The following ZCCHC24 variants were observed in gnomAD, a reference collection of about 807,000 sequenced individuals.
ZCCHC24 encodes zinc finger CCHC-type containing 24, also known as zinc finger CCHC domain-containing protein 24.
In ZCCHC24, 10 loss-of-function variants were observed where a neutral mutation model predicts 26.2. That is an observed-to-expected ratio of 0.38 (90% CI 0.24 to 0.65). ZCCHC24 has a LOEUF of 0.65. ZCCHC24 is among the 30% of genes least tolerant of loss of function. The pLI is 0.54. For synonymous variants in ZCCHC24, 144 were observed against 147.1 expected, an observed-to-expected ratio of 0.98 and a Z score of 0.15; for missense variants, 243 against 329.1, an observed-to-expected ratio of 0.74 and a Z score of 2.03.
At chr10:79,415,253 G>A (rs1208335524) in intron 2 of ZCCHC24, among the ~76,000 whole-genome samples, 1 of 152,170 alleles carries the variant, frequency 6.6e-6, no homozygotes, top group African/African-American at 2.4e-5. Flanking sequence ...CTGCAATGAA[G>A]AGGGGCCCCA....
intron 2 of ZCCHC24, among the ~76,000 whole-genome samples, chr10:79,424,450 C>G (rs1248352825): frequency 6.6e-6 from 1 of 152,256 alleles, no homozygotes; most frequent in Non-Finnish European, 1.5e-5. Context: ...CCTGCTCCCT[C>G]TTCCCTCTCA....
intron 2 of ZCCHC24, among the ~76,000 whole-genome samples, chr10:79,427,913 G>A (rs915092662): frequency 3.9e-5 from 6 of 151,908 alleles, no homozygotes; most frequent in Non-Finnish European, 8.8e-5. Context: ...ATAGAAGGAA[G>A]GAAGGAAAAG....
chr10:79,403,147 C>T (rs1306236246), intron 2 of ZCCHC24, among the ~76,000 whole-genome samples: 1 of 152,246 alleles, frequency 6.6e-6, no homozygotes, highest in Non-Finnish European at 1.5e-5. Flanking sequence ...AAGTCGGACT[C>T]ACACCTGTGA....
chr10:79,432,459 G>A (rs1046451330), intron 2 of ZCCHC24, 99 bp downstream of exon 2: 2 of 1,253,222 alleles, frequency 1.6e-6, no homozygotes, highest in Non-Finnish European at 1.1e-6. Context: ...TTGGTGGAAG[G>A]GGCCCTGGGG....
intron 2 of ZCCHC24, among the ~76,000 whole-genome samples, chr10:79,401,415 G>C (rs1199426481): frequency 6.6e-6 from 1 of 152,226 alleles, no homozygotes; most frequent in Admixed American, 6.5e-5. Flanking sequence ...AGATGGGAAC[G>C]CTGACGCATG....
At position 79,403,297 on chromosome 10, in the gene ZCCHC24, C is replaced by T. The variant is rs1181386443; in HGVS notation, c.448-8857G>A. 18 of 730,704 alleles carry T rather than the reference C, an allele frequency of 2.5e-5. No homozygotes were observed. The East Asian group carries it at 4.0e-4, about 16-fold the overall frequency. 45.3% of individuals were successfully genotyped at this position (730,704 alleles called of 1,614,324 possible). Reference sequence around the variant, plus strand: ...GAATCAGCACTCTTAACCCTAATGACGGATGAGGAAACTGAGGCTCGAGAC... The same window carrying T: ...GAATCAGCACTCTTAACCCTAATGATGGATGAGGAAACTGAGGCTCGAGAC... On this transcript the variant is annotated intron_variant, in intron 2 of 3. Coordinates refer to ENST00000372336, the MANE Select transcript of ZCCHC24 (RefSeq NM_153367.4).
intron 3 of ZCCHC24, among the ~76,000 whole-genome samples, chr10:79,388,617 GC>G (rs1440952578): frequency 6.6e-6 from 1 of 152,182 alleles, no homozygotes; most frequent in South Asian, 2.1e-4. Flanking sequence ...CTGGTTTGCA[GC>G]CCCCACCCCC....
intron 2 of ZCCHC24, among the ~76,000 whole-genome samples, chr10:79,413,564 G>A (rs1256304171): frequency 2.6e-5 from 4 of 152,174 alleles, no homozygotes; most frequent in African/African-American, 9.7e-5. Context: ...CCCTTGGAGG[G>A]ACCTGAAAGT....
chr10:79,433,643 A>C (rs997623165), intron 1 of ZCCHC24, among the ~76,000 whole-genome samples: 6 of 152,298 alleles, frequency 3.9e-5, no homozygotes, highest in African/African-American at 1.4e-4. Context: ...GGTCAACAAC[A>C]AATCTGGGCT....
Position 79,432,538 on chromosome 10 carries a change from C to T in ZCCHC24, c.447+20G>A, listed in dbSNP as rs1857146345. 6.3e-7 allele frequency: 1 copy of T among 1,588,614 alleles called. No homozygotes were observed. Among genetic ancestry groups the T allele is most frequent in the African/African-American group, 1.4e-5 (1 of 73,594 alleles). On this transcript the variant is annotated intron_variant, in intron 2 of 3. Transcript: ENST00000372336. ...CAGTAGGGGAGCCCAAGAGCACCCC[C>T]TGGGCCAGGGCTGCCTTACCTGGGG... is the stretch of plus-strand genomic sequence containing the variant.
At chr10:79,442,161 C>T (rs376265592) in intron 1 of ZCCHC24, among the ~76,000 whole-genome samples, 2 of 152,184 alleles carry the variant, frequency 1.3e-5, no homozygotes, top group African/African-American at 4.8e-5. Context: ...TGCCGTAGAT[C>T]AGGTTTTTGA....
intron 2 of ZCCHC24, among the ~76,000 whole-genome samples, chr10:79,398,795 C>A (rs1240810655): frequency 6.6e-6 from 1 of 152,192 alleles, no homozygotes; most frequent in South Asian, 2.1e-4. Flanking sequence ...GACTCCACAG[C>A]CCGTCAGACC....
intron 3 of ZCCHC24, among the ~76,000 whole-genome samples, 187 bp downstream of exon 3, chr10:79,394,089 C>T (rs1412969309): frequency 6.6e-6 from 1 of 152,246 alleles, no homozygotes; most frequent in Non-Finnish European, 1.5e-5. Flanking sequence ...TCTCTGGTCT[C>T]AAGATCTTGG....
At chr10:79,408,010 C>G (rs940132106) in intron 2 of ZCCHC24, among the ~76,000 whole-genome samples, 4 of 152,214 alleles carry the variant, frequency 2.6e-5, no homozygotes, top group Non-Finnish European at 5.9e-5. Flanking sequence ...AGCAGGAGGC[C>G]GGGCTGCTCA....
chr10:79,400,482 A>G lies in ZCCHC24; in HGVS notation c.448-6042T>C, dbSNP rs190623970. ...AGCAACCGAAGATAACCGCTGCACA[A>G]GAACAGGACTGGCAGGAAAGCAGCC... On this transcript the variant is annotated intron_variant, in intron 2 of 3. Transcript: ENST00000372336. Among the ~76,000 whole-genome samples, 326 of 152,392 alleles carry G rather than the reference A, an allele frequency of 2.1e-3. No homozygotes were observed. In the Middle Eastern group the frequency reaches 0.031, roughly 14 times the overall value.
At chr10:79,420,888 T>C (rs992811571) in intron 2 of ZCCHC24, among the ~76,000 whole-genome samples, 4 of 152,228 alleles carry the variant, frequency 2.6e-5, no homozygotes, top group African/African-American at 9.7e-5. Context: ...AATAACTCGG[T>C]TAAGCTCACA....
intron 2 of ZCCHC24, among the ~76,000 whole-genome samples, chr10:79,407,993 A>C (rs1365422562): frequency 6.6e-6 from 1 of 152,122 alleles, no homozygotes; most frequent in African/African-American, 2.4e-5. Context: ...GGGAACAATG[A>C]TCATGGAGCA....
chr10:79,431,711 G>C (rs1789548723), intron 2 of ZCCHC24, among the ~76,000 whole-genome samples: 1 of 152,156 alleles, frequency 6.6e-6, no homozygotes, highest in African/African-American at 2.4e-5. Context: ...AACACTACAT[G>C]CATTTCCAGA....
chr10:79,444,266 A>T (rs1195017365), intron 1 of ZCCHC24: 4 of 1,433,336 alleles, frequency 2.8e-6, no homozygotes, highest in Admixed American at 3.0e-5. Flanking sequence ...GGAGGGGAGG[A>T]GTCCAGCCCA....
Sources: gnomAD v4.1 joint callset for allele counts (sites outside exome capture counted in the v4.1 genomes callset) on GRCh38, gnomAD v4.1.1 for gene constraint, MANE v1.5 for transcripts, NCBI Gene and HGNC (gene_info 2026-07-23, HGNC 2026-07-21) for gene names.